The following PRKAR2A variants were observed in gnomAD, a reference collection of about 807,000 sequenced individuals.
PRKAR2A encodes the protein protein kinase cAMP-dependent type II regulatory subunit alpha.
In PRKAR2A, 29 loss-of-function variants were observed where a neutral mutation model predicts 51.9. That is an observed-to-expected ratio of 0.56 (90% CI 0.42 to 0.76). The LOEUF is 0.76. Among genes scored for constraint, PRKAR2A ranks in the 30% least tolerant of loss-of-function variants. The probability of loss-of-function intolerance (pLI) is 0.00; values close to 1 mark genes in which losing one functional copy is unlikely to be tolerated. For missense variants in PRKAR2A, 445 were observed against 512.1 expected, an observed-to-expected ratio of 0.87 and a Z score of 1.26; for synonymous variants, 178 against 186.2, an observed-to-expected ratio of 0.96 and a Z score of 0.36.
At chr3:48,804,130 T>C (rs1324564242) in intron 2 of PRKAR2A, among the ~76,000 whole-genome samples, 1 of 152,110 alleles carries the variant, frequency 6.6e-6, no homozygotes, top group Non-Finnish European at 1.5e-5. Flanking sequence ...AGTGGAGAAT[T>C]GAACTTAACA....
chr3:48,787,172 A>G (rs1017185091), intron 4 of PRKAR2A, among the ~76,000 whole-genome samples: 4 of 151,578 alleles, frequency 2.6e-5, no homozygotes, highest in South Asian at 2.1e-4. Context: ...TTATTTATTT[A>G]TTTATTTATT....
intron 1 of PRKAR2A, among the ~76,000 whole-genome samples, chr3:48,846,435 T>G (rs1047433531): frequency 6.6e-6 from 1 of 152,034 alleles, no homozygotes; most frequent in African/African-American, 2.4e-5. Context: ...CAGGCTGGTC[T>G]CGAACTCCTG....
At chr3:48,779,828 T>TAAATAAATAAAA (rs1212217666) in intron 5 of PRKAR2A, among the ~76,000 whole-genome samples, 1 of 130,388 alleles carries the variant, frequency 7.7e-6, no homozygotes, top group African/African-American at 2.8e-5. Flanking sequence ...AATAAATAAA[T>TAAATAAATAAAA]AAAATATATA....
intron 8 of PRKAR2A, among the ~76,000 whole-genome samples, chr3:48,760,082 G>A (rs1267297861): frequency 1.3e-5 from 2 of 152,202 alleles, no homozygotes; most frequent in African/African-American, 4.8e-5. Flanking sequence ...TGTAGGCCAG[G>A]TGTGGTGGCT....
At chr3:48,745,395 C>T (rs1654801954), downstream of PRKAR2A, among the ~76,000 whole-genome samples, 1 of 152,076 alleles carries the variant, frequency 6.6e-6, no homozygotes, top group Non-Finnish European at 1.5e-5. Flanking sequence ...TACCCTTGCA[C>T]ATCATCCACA....
intron 1 of PRKAR2A, among the ~76,000 whole-genome samples, chr3:48,839,656 G>C (rs1271983388): frequency 1.3e-5 from 2 of 152,070 alleles, no homozygotes; most frequent in Non-Finnish European, 2.9e-5. Flanking sequence ...TTTCCAATAG[G>C]ATACAATTTT....
intron 5 of PRKAR2A, among the ~76,000 whole-genome samples, chr3:48,781,663 C>T (rs911685835): frequency 4.6e-5 from 7 of 152,066 alleles, no homozygotes; most frequent in Admixed American, 4.6e-4. Context: ...CAGGCGCGTG[C>T]CACCATGCCC....
intron 6 of PRKAR2A, among the ~76,000 whole-genome samples, chr3:48,772,424 C>G (rs1487225741): frequency 6.6e-6 from 1 of 152,068 alleles, no homozygotes; most frequent in African/African-American, 2.4e-5. Flanking sequence ...TCAGGCTGGT[C>G]TCGAACTCCT....
chr3:48,829,658 G>A lies in PRKAR2A; in HGVS notation c.262+17677C>T, dbSNP rs565987444. On this transcript the variant is annotated intron_variant, in intron 1 of 10. Transcript: ENST00000265563. ...CACACATAAATGTGTGTGTGTATAC[G>A]TGTGTATACACACACATAAATGTGT... Among the ~76,000 whole-genome samples the A allele has an allele frequency of 1.9e-3, 268 of 140,538 alleles. 9 individuals are homozygous for A. Among genetic ancestry groups the A allele is most frequent in the African/African-American group, 6.1e-3 (235 of 38,414 alleles). 92.2% of individuals were successfully genotyped at this position (140,538 alleles called of 152,430 possible).
At chr3:48,785,094 CTT>C (rs34088103) in intron 4 of PRKAR2A, among the ~76,000 whole-genome samples, 16 of 137,366 alleles carry the variant, frequency 1.2e-4, no homozygotes, top group Admixed American at 7.5e-5. Context: ...GGAAAATATT[CTT>C]TTTTTTTTTT....
At chr3:48,824,036 T>C (rs899411581) in intron 1 of PRKAR2A, among the ~76,000 whole-genome samples, 2 of 151,508 alleles carry the variant, frequency 1.3e-5, no homozygotes, top group Admixed American at 1.3e-4. Context: ...AAGTCAGGAG[T>C]TCAAGACCAG....
chr3:48,847,444 G>A lies in PRKAR2A; in HGVS notation c.153C>T (p.Pro51=), dbSNP rs2083486601. Residue 51 remains proline, a synonymous_variant, in exon 1 of 11, where the codon CCC becomes CCT. Coordinates refer to ENST00000265563, the MANE Select transcript of PRKAR2A (RefSeq NM_004157.4). This position sits in a 1 kb window ranked among gnomAD's most constrained non-coding sequence, Gnocchi z 4.4. ...CCAGGCTCTGGCGTGGGGTGGCGGCGGGCAGGACTGAGGCTGGGGCGCGGG... is the reference window on the plus strand; with the variant it reads ...CCAGGCTCTGGCGTGGGGTGGCGGCAGGCAGGACTGAGGCTGGGGCGCGGG... ...REARAPASVL[P]AATPRQSLGH... is the part of the protein sequence containing the mutation. 6.3e-7 allele frequency: 1 copy of A among 1,578,732 alleles called. No homozygotes were observed. The highest frequency in any genetic ancestry group is 8.6e-7 in the Non-Finnish European group (1 of 1,162,308).
intron 1 of PRKAR2A, among the ~76,000 whole-genome samples, chr3:48,813,466 C>A (rs576457503): frequency 6.6e-6 from 1 of 151,846 alleles, no homozygotes; most frequent in Non-Finnish European, 1.5e-5. Flanking sequence ...GAGGCCGAGG[C>A]GGCGGATCAC....
chr3:48,835,050 C>T (rs558116039), intron 1 of PRKAR2A, among the ~76,000 whole-genome samples: 2 of 151,060 alleles, frequency 1.3e-5, no homozygotes, highest in African/African-American at 4.9e-5. Context: ...CAGGTCACTG[C>T]AATTTCCGCC....
chr3:48,822,733 T>G (rs1045798925), intron 1 of PRKAR2A, among the ~76,000 whole-genome samples: 1 of 149,892 alleles, frequency 6.7e-6, no homozygotes, highest in Admixed American at 6.7e-5. Flanking sequence ...TGTTTTTTTT[T>G]TTTTTTTTCT....
chr3:48,808,344 C>T (rs1365930877), intron 1 of PRKAR2A, among the ~76,000 whole-genome samples: 1 of 152,236 alleles, frequency 6.6e-6, no homozygotes, highest in East Asian at 1.9e-4. Flanking sequence ...AGCTCCGCCT[C>T]CCGGCTTCAT....
chr3:48,840,425 G>A (rs977926911), intron 1 of PRKAR2A, among the ~76,000 whole-genome samples: 1 of 151,792 alleles, frequency 6.6e-6, no homozygotes, highest in Non-Finnish European at 1.5e-5. Context: ...AACCCAGGAG[G>A]TGGAGGTTGC....
At chr3:48,837,333 T>C (rs774953851) in intron 1 of PRKAR2A, among the ~76,000 whole-genome samples, 1 of 151,968 alleles carries the variant, frequency 6.6e-6, no homozygotes, top group Non-Finnish European at 1.5e-5. Context: ...AACTGACAAA[T>C]ACATGGAAAG....
intron 1 of PRKAR2A, among the ~76,000 whole-genome samples, chr3:48,824,762 C>T (rs1369619725): frequency 6.6e-6 from 1 of 151,764 alleles, no homozygotes; most frequent in East Asian, 2.0e-4. Context: ...GCCTGGCCAA[C>T]ATGTGAAACC....
Sources: allele counts gnomAD v4.1 joint callset (sites outside exome capture counted in the v4.1 genomes callset), GRCh38; gene constraint gnomAD v4.1.1; non-coding constraint Gnocchi (gnomAD v3.1); transcripts MANE v1.5; gene names NCBI Gene and HGNC (gene_info 2026-07-23, HGNC 2026-07-21).